KHDRBS2: variants seen among roughly 807,000 people sequenced by gnomAD.
KHDRBS2 encodes KH domain-containing, RNA-binding, signal transduction-associated protein 2.
Under a neutral mutation model 44.3 loss-of-function variants are expected in KHDRBS2, and 26 were observed. The observed-to-expected ratio is 0.59, with a 90% confidence interval of 0.43 to 0.81. The LOEUF (loss-of-function observed/expected upper bound fraction) is 0.81. Ranked by LOEUF, KHDRBS2 falls within the 40% of genes least tolerant of loss-of-function variation. The probability of loss-of-function intolerance (pLI) is 0.00; values close to 1 mark genes in which losing one functional copy is unlikely to be tolerated. For missense variants in KHDRBS2, 476 were observed against 433.1 expected, an observed-to-expected ratio of 1.10 and a Z score of -0.88; for synonymous variants, 194 against 151.1, an observed-to-expected ratio of 1.28 and a Z score of -2.08.
At chr6:61,651,095 T>A in the KHDRBS2 span, among the ~76,000 whole-genome samples, 1 of 152,056 alleles carries the variant, frequency 6.6e-6, no homozygotes, top group Non-Finnish European at 1.5e-5. Context: ...ATACAAATAA[T>A]AAGAATATGA....
At chr6:62,012,761 C>G (rs1270512033) in intron 3 of KHDRBS2, among the ~76,000 whole-genome samples, 1 of 152,142 alleles carries the variant, frequency 6.6e-6, no homozygotes, top group Non-Finnish European at 1.5e-5. Context: ...TTCTTGACTA[C>G]TCTAACTACA....
At chr6:62,194,900 G>A (rs781104537) in intron 1 of KHDRBS2, among the ~76,000 whole-genome samples, 5 of 151,752 alleles carry the variant, frequency 3.3e-5, no homozygotes, top group African/African-American at 9.7e-5. Flanking sequence ...TTTCACAATC[G>A]TTTTTGTGAT....
At chr6:61,678,714 CTT>C (rs1766080956), downstream of KHDRBS2, among the ~76,000 whole-genome samples, 1 of 151,924 alleles carries the variant, frequency 6.6e-6, no homozygotes. Flanking sequence ...AATCATGCCA[CTT>C]TATTTCAAAG....
chr6:61,568,171 G>C, the KHDRBS2 span, among the ~76,000 whole-genome samples: 1 of 151,922 alleles, frequency 6.6e-6, no homozygotes, highest in Non-Finnish European at 1.5e-5. Flanking sequence ...TTTATTTCTG[G>C]GTTCTCTAAT....
intron 6 of KHDRBS2, among the ~76,000 whole-genome samples, chr6:61,810,352 A>G (rs1392659052): frequency 6.6e-6 from 1 of 152,156 alleles, no homozygotes; most frequent in African/African-American, 2.4e-5. Context: ...ATAGCAGGCC[A>G]GAATGGAGTG....
At chr6:61,604,609 C>A in the KHDRBS2 span, among the ~76,000 whole-genome samples, 1 of 152,212 alleles carries the variant, frequency 6.6e-6, no homozygotes, top group African/African-American at 2.4e-5. Flanking sequence ...GGAAATCTAT[C>A]CTCAAGGAAA....
chr6:62,163,483 T>C (rs911859448), intron 2 of KHDRBS2, among the ~76,000 whole-genome samples: 1 of 152,048 alleles, frequency 6.6e-6, no homozygotes, highest in Admixed American at 6.6e-5. Context: ...AAATGATTCC[T>C]AAATTGGGTA....
the KHDRBS2 span, among the ~76,000 whole-genome samples, chr6:61,579,484 T>A: frequency 6.6e-6 from 1 of 152,202 alleles, no homozygotes; most frequent in Admixed American, 6.6e-5. Context: ...GTTTTCCACA[T>A]GCTTTAGGTT....
At chr6:61,741,594 A>G (rs1403176541) in intron 6 of KHDRBS2, among the ~76,000 whole-genome samples, 1 of 151,942 alleles carries the variant, frequency 6.6e-6, no homozygotes, top group Non-Finnish European at 1.5e-5. Flanking sequence ...TATAGGACTC[A>G]ATAGGTAGTT....
chr6:61,729,763 AT>A (rs1014808042), intron 7 of KHDRBS2, among the ~76,000 whole-genome samples: 1 of 152,080 alleles, frequency 6.6e-6, no homozygotes, highest in African/African-American at 2.4e-5. Context: ...GTCAGTTCAA[AT>A]TTTTTTGCCC....
intron 6 of KHDRBS2, among the ~76,000 whole-genome samples, chr6:61,839,255 A>T (rs886519437): frequency 2.0e-5 from 3 of 152,016 alleles, no homozygotes; most frequent in Non-Finnish European, 4.4e-5. Flanking sequence ...ATAATTTGTA[A>T]TTATGTATTT....
intron 3 of KHDRBS2, among the ~76,000 whole-genome samples, chr6:62,016,613 T>A (rs943046440): frequency 2.0e-5 from 3 of 149,112 alleles, no homozygotes; most frequent in Non-Finnish European, 4.5e-5. Flanking sequence ...TACACATAGG[T>A]ATAATATATA....
At chr6:61,817,540 A>C (rs1419311789) in intron 6 of KHDRBS2, among the ~76,000 whole-genome samples, 1 of 152,096 alleles carries the variant, frequency 6.6e-6, no homozygotes, top group Non-Finnish European at 1.5e-5. Flanking sequence ...AATGCATTAG[A>C]TTTGAAAAAT....
At chr6:62,181,930 T>C (rs147502167) in intron 1 of KHDRBS2, among the ~76,000 whole-genome samples, 1 of 152,044 alleles carries the variant, frequency 6.6e-6, no homozygotes, top group East Asian at 1.9e-4. Context: ...ACCCAGATAC[T>C]GAATCTGCCA....
At chr6:62,000,001 C>T (rs1777936004) in intron 3 of KHDRBS2, among the ~76,000 whole-genome samples, 1 of 151,982 alleles carries the variant, frequency 6.6e-6, no homozygotes, top group Non-Finnish European at 1.5e-5. Context: ...TCTTAAGATC[C>T]TTAACTTAAT....
chr6:62,029,255 A>G (rs2134474), intron 3 of KHDRBS2, among the ~76,000 whole-genome samples: 79,813 of 151,592 alleles, frequency 0.53, 21,731 homozygotes, highest in Non-Finnish European at 0.59. Flanking sequence ...AAACATTAGG[A>G]ATACAGTAAC....
intron 6 of KHDRBS2, among the ~76,000 whole-genome samples, chr6:61,753,172 T>C (rs1016332113): frequency 6.6e-6 from 1 of 152,042 alleles, no homozygotes; most frequent in African/African-American, 2.4e-5. Context: ...TCCCTCTCAT[T>C]TTCCTCTCTC....
chr6:62,262,874 TAGTA>T (rs1349735990), intron 1 of KHDRBS2, among the ~76,000 whole-genome samples: 1 of 151,682 alleles, frequency 6.6e-6, no homozygotes, highest in African/African-American at 2.4e-5. Context: ...AGAAAATATA[TAGTA>T]AAATTTTTCT....
intron 4 of KHDRBS2, among the ~76,000 whole-genome samples, chr6:61,975,775 T>C (rs1772496352): frequency 6.6e-6 from 1 of 152,050 alleles, no homozygotes; most frequent in East Asian, 1.9e-4. Context: ...TAATGTTAAA[T>C]AGAGTGGTTA....
Sources: gnomAD v4.1 joint callset for allele counts (sites outside exome capture counted in the v4.1 genomes callset) on GRCh38, gnomAD v4.1.1 for gene constraint, MANE v1.5 for transcripts, NCBI Gene and HGNC (gene_info 2026-07-23, HGNC 2026-07-21) for gene names.